Variants in RBFOX1 observed in about 807,000 individuals in gnomAD.
RBFOX1 encodes RNA binding protein fox-1 homolog 1.
A neutral mutation model predicts 57.7 loss-of-function variants in RBFOX1; 8 were observed. The ratio of observed to expected loss-of-function variants is 0.14; its 90% CI spans 0.08 to 0.25. The LOEUF (loss-of-function observed/expected upper bound fraction) is 0.25. Ranked by LOEUF, RBFOX1 falls within the 10% of genes least tolerant of loss-of-function variation. The pLI is 1.00. For synonymous variants in RBFOX1, 326 were observed against 222.4 expected (o/e 1.47, Z -4.15); for missense variants, 611 against 548.5 (o/e 1.11, Z -1.14).
At chr16:6,497,209 A>G (rs1231668027) in intron 2 of RBFOX1, among the ~76,000 whole-genome samples, 1 of 152,060 alleles carries the variant, frequency 6.6e-6, no homozygotes, top group Non-Finnish European at 1.5e-5. Context: ...TTGCTTAACC[A>G]CTGTGTTTTG....
At chr16:7,664,540 T>A (rs980770138) in intron 12 of RBFOX1, among the ~76,000 whole-genome samples, 1 of 152,212 alleles carries the variant, frequency 6.6e-6, no homozygotes, top group Non-Finnish European at 1.5e-5. Context: ...TTTGGGTTTT[T>A]ATTCTGTGGG....
At chr16:6,148,743 C>A (rs2096776983) in intron 1 of RBFOX1, among the ~76,000 whole-genome samples, 1 of 152,184 alleles carries the variant, frequency 6.6e-6, no homozygotes, top group Non-Finnish European at 1.5e-5. Flanking sequence ...CCATACTTCG[C>A]TTTATCTAAT....
intron 3 of RBFOX1, among the ~76,000 whole-genome samples, chr16:6,692,553 A>C (rs562166184): frequency 2.6e-5 from 4 of 152,228 alleles, no homozygotes; most frequent in South Asian, 4.1e-4. Flanking sequence ...CTTCCACTTA[A>C]GTTGTTGATT....
chr16:6,866,892 A>G (rs1485526562), intron 3 of RBFOX1, among the ~76,000 whole-genome samples: 2 of 152,170 alleles, frequency 1.3e-5, no homozygotes, highest in East Asian at 3.9e-4. Flanking sequence ...ATTACTTGCC[A>G]CACAAAGCAT....
rs2083908643 is a variant in RBFOX1, at chr16:7,710,880, A to G, written c.*135A>G. On this transcript the variant is annotated 3_prime_UTR_variant, in exon 16 of 16. Coordinates refer to ENST00000550418, the MANE Select transcript of RBFOX1 (RefSeq NM_018723.4). ...AAAATACAAATAAAAAGGAAAAAAA[A>G]TTACATTTTTTATCTTATACCTCAG... 3 of 969,810 alleles carry G rather than the reference A, an allele frequency of 3.1e-6. No individual in the cohort carries two copies. The highest frequency in any genetic ancestry group is 4.0e-5 in the Admixed American group (1 of 25,214). The allele number at this position is 969,810 out of a possible 1,614,324, so 60.1% of individuals were successfully genotyped here.
intron 3 of RBFOX1, among the ~76,000 whole-genome samples, chr16:5,734,044 C>G (rs943399807): frequency 6.6e-6 from 1 of 152,138 alleles, no homozygotes; most frequent in Non-Finnish European, 1.5e-5. Flanking sequence ...AGAACATGCA[C>G]GAACAGCCCA....
intron 4 of RBFOX1, among the ~76,000 whole-genome samples, chr16:7,380,644 C>G (rs1362313903): frequency 2.0e-5 from 3 of 152,364 alleles, no homozygotes; most frequent in East Asian, 1.9e-4. Context: ...GCAGCTCACA[C>G]CGCTGATCAT....
chr16:7,239,833 T>G (rs1010332126), intron 4 of RBFOX1, among the ~76,000 whole-genome samples: 1 of 152,210 alleles, frequency 6.6e-6, no homozygotes, highest in Non-Finnish European at 1.5e-5. Flanking sequence ...TTTATATTCA[T>G]TTTTCTACTT....
chr16:7,206,109 A>C (rs927007862), intron 4 of RBFOX1, among the ~76,000 whole-genome samples: 1 of 152,228 alleles, frequency 6.6e-6, no homozygotes. Context: ...GGAAGTGCTT[A>C]CCTGATAGTC....
intron 4 of RBFOX1, among the ~76,000 whole-genome samples, chr16:7,154,441 A>G (rs957975067): frequency 1.1e-4 from 16 of 152,226 alleles, no homozygotes; most frequent in African/African-American, 3.9e-4. Flanking sequence ...CAGAAGGACA[A>G]TAGATCTTTC....
intron 4 of RBFOX1, among the ~76,000 whole-genome samples, chr16:7,426,307 T>C (rs959700664): frequency 3.9e-5 from 6 of 152,178 alleles, no homozygotes; most frequent in Admixed American, 6.5e-5. Context: ...AATTTGCCTA[T>C]AGTTGCAGCT....
At chr16:6,721,500 T>G (rs1287426914) in intron 3 of RBFOX1, among the ~76,000 whole-genome samples, 3 of 152,180 alleles carry the variant, frequency 2.0e-5, no homozygotes, top group Non-Finnish European at 2.9e-5. Flanking sequence ...TCTGTAATGT[T>G]AAATGCATTC....
At chr16:5,616,644 CT>C (rs1567303524) in intron 3 of RBFOX1, among the ~76,000 whole-genome samples, 1 of 145,908 alleles carries the variant, frequency 6.9e-6, no homozygotes, top group Admixed American at 6.8e-5. Context: ...CTCCTCACCC[CT>C]CCTCCTCTGC....
chr16:7,567,452 T>C (rs1490185787), intron 5 of RBFOX1, among the ~76,000 whole-genome samples: 2 of 118,682 alleles, frequency 1.7e-5, no homozygotes, highest in East Asian at 2.3e-4. Context: ...TATATCCCTA[T>C]GTATGGCCCT....
rs1567358737 is a variant in RBFOX1 at position 5,658,798 on chromosome 16, TGTGTATATATGTATATATAATATATG to T, written c.318+59838_318+59863del. Among the ~76,000 whole-genome samples the T allele has an allele frequency of 6.0e-3, 829 of 137,916 alleles. 6 individuals are homozygous for T. The highest frequency in any genetic ancestry group is 0.025 in the African/African-American group (796 of 31,372). 90.5% of individuals were successfully genotyped at this position (137,916 alleles called of 152,430 possible). On this transcript the variant is annotated intron_variant, in intron 3 of 19. Transcript: ENST00000641259. ...TGTATATATGTATATATATAATATA[TGTGTATATATGTATATATAATATATG>T]TATATATGTATATATATAATATATG...
chr16:5,526,051 T>C (rs1389512547), intron 2 of RBFOX1, among the ~76,000 whole-genome samples: 3 of 152,050 alleles, frequency 2.0e-5, no homozygotes, highest in South Asian at 2.1e-4. Context: ...AGGTGAAACA[T>C]GTCAACCCCC....
intron 3 of RBFOX1, among the ~76,000 whole-genome samples, chr16:5,647,399 C>T (rs1488210717): frequency 6.6e-6 from 1 of 152,106 alleles, no homozygotes; most frequent in East Asian, 1.9e-4. Context: ...CAATTTATTG[C>T]CACTGTGAAA....
chr16:6,764,377 G>A (rs1272631775), intron 3 of RBFOX1, among the ~76,000 whole-genome samples: 4 of 152,210 alleles, frequency 2.6e-5, no homozygotes, highest in East Asian at 3.9e-4. Flanking sequence ...TATGGTAGTC[G>A]GGCCAAGCAG....
intron 4 of RBFOX1, among the ~76,000 whole-genome samples, chr16:7,369,950 C>A (rs1014590938): frequency 6.6e-6 from 1 of 152,164 alleles, no homozygotes; most frequent in African/African-American, 2.4e-5. Context: ...TGCTTGAAGC[C>A]ACCATGCTAT....
Sources: gnomAD v4.1 joint callset for allele counts (sites outside exome capture counted in the v4.1 genomes callset) on GRCh38, gnomAD v4.1.1 for gene constraint, MANE v1.5 for transcripts, NCBI Gene and HGNC (gene_info 2026-07-23, HGNC 2026-07-21) for gene names.